The following GPX3 variants were observed in gnomAD, a reference collection of about 807,000 sequenced individuals.
GPX3 encodes glutathione peroxidase 3.
A neutral mutation model predicts 25.1 loss-of-function variants in GPX3; 22 were observed. That is an observed-to-expected ratio of 0.88 (90% confidence interval 0.63 to 1.25). GPX3 has a LOEUF of 1.25. Ranked by LOEUF, GPX3 falls within the 50% of genes most tolerant of loss-of-function variation. The probability of loss-of-function intolerance (pLI) is 0.00; values close to 1 mark genes in which losing one functional copy is unlikely to be tolerated. For synonymous variants in GPX3, 110 were observed against 114.5 expected (o/e 0.96, Z 0.25); for missense variants, 278 against 286.6 (o/e 0.97, Z 0.22).
chr5:151,024,310 A>G (rs186493723), intron 1 of GPX3, among the ~76,000 whole-genome samples: 2 of 152,254 alleles, frequency 1.3e-5, no homozygotes, highest in Non-Finnish European at 2.9e-5. Context: ...ATAGTCTCAG[A>G]ATTTTGTTGT....
intron 2 of GPX3, among the ~76,000 whole-genome samples, chr5:151,026,092 G>C (rs1482021804): frequency 6.6e-6 from 1 of 152,292 alleles, no homozygotes; most frequent in East Asian, 1.9e-4. Context: ...CGGTGGAATG[G>C]GGCATTTGGC....
chr5:151,020,839 G>A (rs2113140695), intron 1 of GPX3, 98 bp downstream of exon 1: 1 of 1,158,054 alleles, frequency 8.6e-7, no homozygotes, highest in East Asian at 2.5e-5. Context: ...CTCCCCGCCA[G>A]ATGGGCAATC....
At chr5:151,024,444 T>C (rs2113145065) in intron 1 of GPX3, among the ~76,000 whole-genome samples, 1 of 152,264 alleles carries the variant, frequency 6.6e-6, no homozygotes, top group East Asian at 1.9e-4. Context: ...GGAGAGTTGG[T>C]TCAGTTCAAG....
rs896941157 is a variant in GPX3, at chr5:151,027,619, T to A, written c.459+88T>A. On this transcript the variant is annotated intron_variant, in intron 4 of 4. Transcript: ENST00000388825. ...TCAGGGCCCATGCCACCTCCCCTGC[T>A]CCTGGGCTCTTGGGGAATTTCTTGG... 13 of 849,842 alleles carry A rather than the reference T, an allele frequency of 1.5e-5. No homozygotes were observed. In the East Asian group the frequency reaches 3.2e-4, roughly 21 times the overall value. The allele number at this position is 849,842 out of a possible 1,614,324, so 52.6% of individuals were successfully genotyped here.
At position 151,027,550 on chromosome 5, in the gene GPX3, G is replaced by A. The variant is rs1443437926; in HGVS notation, c.459+19G>A. 2.6e-6 allele frequency: 4 copies of A among 1,512,448 alleles called. No homozygotes were observed. The East Asian group carries it at 9.0e-5, about 34-fold the overall frequency. The allele number at this position is 1,512,448 out of a possible 1,614,324, so 93.7% of individuals were successfully genotyped here. A position where few individuals can be genotyped will look rare whatever the true frequency, so the allele number is the denominator to read the frequency against. On this transcript the variant is annotated intron_variant, in intron 4 of 4. Coordinates refer to ENST00000388825, the MANE Select transcript of GPX3 (RefSeq NM_002084.5). Reference sequence around the variant, plus strand: ...CCTAAAGGTAAGTGAGCTGCCACCTGTGCTGGCTGGGGCTGCAGCCCCTCC... The same window carrying A: ...CCTAAAGGTAAGTGAGCTGCCACCTATGCTGGCTGGGGCTGCAGCCCCTCC...
chr5:151,024,330 G>T (rs111754352), intron 1 of GPX3, among the ~76,000 whole-genome samples: 1 of 152,130 alleles, frequency 6.6e-6, no homozygotes, highest in Non-Finnish European at 1.5e-5. Context: ...TCTGTGTCAC[G>T]GGCAGAGTAG....
rs1336701686 is a variant in GPX3, at chr5:151,028,144, C to T, written c.*14C>T. 7 of 1,551,714 alleles carry T rather than the reference C, an allele frequency of 4.5e-6. No homozygotes were observed. In the African/African-American group the frequency reaches 5.5e-5, roughly 12 times the overall value. On this transcript the variant is annotated 3_prime_UTR_variant, in exon 5 of 5. Coordinates refer to ENST00000388825, the MANE Select transcript of GPX3 (RefSeq NM_002084.5). Reference sequence around the variant, plus strand: ...AAGAGGAAGTAACTGAAGGCCGTCTCATCCCATGTCCACCATGTAGGGGAG... The same window carrying T: ...AAGAGGAAGTAACTGAAGGCCGTCTTATCCCATGTCCACCATGTAGGGGAG...
chr5:151,024,276 T>C (rs1756515774), intron 1 of GPX3, among the ~76,000 whole-genome samples: 1 of 152,226 alleles, frequency 6.6e-6, no homozygotes. Context: ...ATTGTGTCAA[T>C]GATGCAATGA....
intron 1 of GPX3, among the ~76,000 whole-genome samples, chr5:151,023,984 G>A (rs371177447): frequency 1.3e-5 from 2 of 152,140 alleles, no homozygotes; most frequent in East Asian, 1.9e-4. Flanking sequence ...CTGGGGCCAC[G>A]CCCTGCCAGC....
intron 4 of GPX3, 129 bp from the exon 5 acceptor site, chr5:151,027,780 G>A (rs766459161): frequency 1.9e-5 from 15 of 804,930 alleles, no homozygotes; most frequent in Middle Eastern, 2.8e-4. Flanking sequence ...CACAGCTGGC[G>A]CTGGCAGTCT....
At chr5:151,027,864 AG>A (rs1235003723) in intron 4 of GPX3, 44 bp from the exon 5 acceptor site, 4 of 1,496,550 alleles carry the variant, frequency 2.7e-6, no homozygotes, top group African/African-American at 2.7e-5. Flanking sequence ...GAAGAGGGTC[AG>A]GGGGCCTCAA....
intron 2 of GPX3, 59 bp downstream of exon 2, chr5:151,025,552 A>C (rs1366904365): frequency 6.9e-7 from 1 of 1,458,188 alleles, no homozygotes; most frequent in Non-Finnish European, 9.3e-7. Flanking sequence ...TTTCAATCAC[A>C]GGAGCTTTTC....
intron 2 of GPX3, among the ~76,000 whole-genome samples, chr5:151,025,944 C>G (rs1756541167): frequency 6.6e-6 from 1 of 152,174 alleles, no homozygotes; most frequent in South Asian, 2.1e-4. Flanking sequence ...GATGAAGGAG[C>G]AGGCTACACT....
chr5:151,020,789 C>T lies in GPX3; in HGVS notation c.87+48C>T, dbSNP rs772309876. 5 of 1,520,900 alleles carry T rather than the reference C, an allele frequency of 3.3e-6. No individual in the cohort carries two copies. The East Asian group carries it at 6.9e-5, about 21-fold the overall frequency. The allele number at this position is 1,520,900 out of a possible 1,614,324, so 94.2% of individuals were successfully genotyped here. A position where few individuals can be genotyped will look rare whatever the true frequency, so the allele number is the denominator to read the frequency against. ...GGCCGGGAGAAAAAACCTAGCCCCT[C>T]GGTGTCCAGCGCTCAGTGCAATGCA... On this transcript the variant is annotated intron_variant, in intron 1 of 4. Transcript: ENST00000388825.
In GPX3 at chr5:151,026,915, A is replaced by G. The variant is rs1336788725; in HGVS notation, c.257A>G (p.Gln86Arg). The G allele has an allele frequency of 3.1e-6, 5 of 1,613,838 alleles. No individual in the cohort carries two copies. The highest frequency in any genetic ancestry group is 4.2e-6 in the Non-Finnish European group (5 of 1,179,736). Residue 86 changes from glutamine (Q) to arginine (R), a missense_variant, in exon 3 of 5, where the codon CAG (glutamine) becomes CGG (arginine). Gln to Arg is a conservative substitution (Grantham distance 43, BLOSUM62 1). Coordinates refer to ENST00000388825, the MANE Select transcript of GPX3 (RefSeq NM_002084.5). ...TGQYIELNAL[Q>R]EELAPFGLVI... ...TTTGGCCCAGAACTGAATGCACTAC[A>G]GGAAGAGCTTGCACCATTCGGTCTG...
intron 1 of GPX3, 73 bp from the exon 2 acceptor site, chr5:151,025,267 T>G (rs1312168532): frequency 5.4e-6 from 7 of 1,286,202 alleles, no homozygotes; most frequent in Non-Finnish European, 7.4e-6. Context: ...TTGGGATCTT[T>G]CATTCTTTTG....
intron 2 of GPX3, 90 bp from the exon 3 acceptor site, chr5:151,026,810 C>A: frequency 1.1e-6 from 1 of 897,388 alleles, no homozygotes; most frequent in Non-Finnish European, 1.8e-6. Flanking sequence ...GTAGTTCCAG[C>A]GGCACAGCGG....
rs1756534364 is a variant in GPX3 at position 151,025,481 on chromosome 5, G to A, written c.229G>A (p.Gly77Ser). ...VNVASYUGLTGQYIELNALQE... is the reference protein window; with the variant it reads ...VNVASYUGLTSQYIELNALQE... The stretch of plus-strand genomic sequence containing the variant: ...CGTGGCCAGCTACTGAGGCCTGACG[G>A]GCCAGTACATTGGTAAGAGCCCACC... The change falls in exon 2 of 5, where the codon GGC becomes AGC. Residue 77 changes from glycine to serine, a missense_variant. Transcript: ENST00000388825. 1.9e-6 allele frequency: 3 copies of A among 1,608,628 alleles called. No homozygotes were observed. The highest frequency in any genetic ancestry group is 2.5e-6 in the Non-Finnish European group (3 of 1,177,746).
intron 1 of GPX3, among the ~76,000 whole-genome samples, chr5:151,022,883 C>T (rs1756497172): frequency 6.6e-6 from 1 of 152,132 alleles, no homozygotes; most frequent in African/African-American, 2.4e-5. Context: ...AACCTGACTC[C>T]ATCTTACAAT....
Sources: gnomAD v4.1 joint callset for allele counts (sites outside exome capture counted in the v4.1 genomes callset) on GRCh38, gnomAD v4.1.1 for gene constraint, MANE v1.5 for transcripts, NCBI Gene and HGNC (gene_info 2026-07-23, HGNC 2026-07-21) for gene names.